Variants in CACNA1B observed in about 807,000 individuals in gnomAD.
The protein encoded by CACNA1B is calcium voltage-gated channel subunit alpha1 B.
A neutral mutation model predicts 247.2 loss-of-function variants in CACNA1B; 70 were observed. That is an observed-to-expected ratio of 0.28 (90% CI 0.23 to 0.35). The LOEUF (loss-of-function observed/expected upper bound fraction) is 0.35, where lower values mean the gene tolerates loss of function less well. CACNA1B is among the 10% of genes least tolerant of loss of function. The probability of loss-of-function intolerance (pLI) is 1.00; values close to 1 mark genes in which losing one functional copy is unlikely to be tolerated. For synonymous variants in CACNA1B, 1,231 were observed against 1,294.4 expected, an observed-to-expected ratio of 0.95 and a Z score of 1.05; for missense variants, 2,367 against 3,197.4, an observed-to-expected ratio of 0.74 and a Z score of 6.26.
At position 137,936,148 on chromosome 9, in the gene CACNA1B, C is replaced by T. The variant is rs147169809; in HGVS notation, c.967-16126C>T. 3.2e-4 allele frequency among the ~76,000 whole-genome samples: 48 copies of T among 152,280 alleles called. No individual in the cohort carries two copies. The East Asian group carries it at 8.5e-3, about 27-fold the overall frequency. On this transcript the variant is annotated intron_variant, in intron 6 of 46. Transcript: ENST00000371372. ...CTGGGATTACAGGCGTGAGCCACTG[C>T]GCCCGGCTGTTTCCTGACTTTTTAA...
chr9:137,952,147 C>T lies in CACNA1B; in HGVS notation c.967-127C>T. On this transcript the variant is annotated intron_variant, in intron 6 of 46. Coordinates refer to ENST00000371372, the MANE Select transcript of CACNA1B (RefSeq NM_000718.4). This position sits in a 1 kb window ranked among gnomAD's most constrained non-coding sequence, Gnocchi z 4.8. ...GCTTGGACCTCCCTGTGACTGGCCT[C>T]CCCACTGCCTGGACCCTACCAGGTG... 1.4e-6 allele frequency: 1 copy of T among 702,316 alleles called. No homozygotes were observed. Among genetic ancestry groups the T allele is most frequent in the South Asian group, 1.7e-5 (1 of 60,568 alleles). The allele number at this position is 702,316 out of a possible 1,614,324, so 43.5% of individuals were successfully genotyped here.
intron 26 of CACNA1B, among the ~76,000 whole-genome samples, chr9:138,056,132 T>C (rs912415614): frequency 6.6e-6 from 1 of 152,228 alleles, no homozygotes; most frequent in African/African-American, 2.4e-5. Flanking sequence ...ATTAAGTGGC[T>C]TTTAGTCTAT....
chr9:137,916,909 G>A (rs1957419393), intron 5 of CACNA1B, among the ~76,000 whole-genome samples: 1 of 152,148 alleles, frequency 6.6e-6, no homozygotes, highest in Non-Finnish European at 1.5e-5. Context: ...AATGGTCAGG[G>A]TGGTGGGAAG....
chr9:138,041,119 CA>C (rs1338460009), intron 20 of CACNA1B, among the ~76,000 whole-genome samples: 5 of 152,158 alleles, frequency 3.3e-5, no homozygotes, highest in Admixed American at 3.3e-4. Context: ...AGGTTTTTGT[CA>C]GAGAGGATTT....
intron 3 of CACNA1B, among the ~76,000 whole-genome samples, chr9:137,901,827 C>G (rs1957243870): frequency 6.6e-6 from 1 of 151,738 alleles, no homozygotes; most frequent in East Asian, 1.9e-4. Context: ...GTAGCTGGGA[C>G]TACAGGCACC....
intron 15 of CACNA1B, among the ~76,000 whole-genome samples, chr9:137,992,802 A>ACAAAAC: frequency 6.6e-6 from 1 of 152,050 alleles, no homozygotes; most frequent in South Asian, 2.1e-4. Context: ...GTCTCAAAAA[A>ACAAAAC]AAAAAAAAAA....
rs1957420466 is a variant in CACNA1B at position 137,917,016 on chromosome 9, G to A, written c.776-225G>A. Among the ~76,000 whole-genome samples the A allele has an allele frequency of 6.6e-6, 1 of 152,056 alleles. No individual in the cohort carries two copies. Among genetic ancestry groups the A allele is most frequent in the Admixed American group, 6.6e-5 (1 of 15,262 alleles). ...TGGGCAGGTTCCAGTAGGAGGGAGA[G>A]GCCAGCCGTTACTCCCTGAGTTGGT... is the stretch of plus-strand genomic sequence containing the variant. On this transcript the variant is annotated intron_variant, in intron 5 of 46. Coordinates refer to ENST00000371372, the MANE Select transcript of CACNA1B (RefSeq NM_000718.4). The surrounding 1 kb of genome is among the most constrained non-coding windows in gnomAD (Gnocchi z 5.5).
chr9:138,009,182 G>A (rs1032784348), intron 16 of CACNA1B, among the ~76,000 whole-genome samples: 3 of 152,228 alleles, frequency 2.0e-5, no homozygotes, highest in Non-Finnish European at 4.4e-5. Context: ...CACCCCAGGC[G>A]GTGCCTGTGC....
chr9:138,004,220 T>G (rs982629974), intron 15 of CACNA1B, among the ~76,000 whole-genome samples: 1 of 152,082 alleles, frequency 6.6e-6, no homozygotes, highest in East Asian at 1.9e-4. Context: ...GAAAACTGTG[T>G]GATGGTTTAC....
chr9:138,118,028 C>T lies in CACNA1B; in HGVS notation c.5860C>T (p.Pro1954Ser). The change falls in exon 43 of 47, where the codon CCC (proline) becomes TCC (serine). Residue 1954 changes from proline to serine, a missense_variant. Around this residue, in one of 12 missense-constraint regions of CACNA1B, gnomAD observed 773 missense variants for 779.4 expected, o/e 0.99. Transcript: ENST00000371372. ...GGATGCACCCCATGAGGCCAGGCCA[C>T]CCCTGGAGCGTGGCCACTCCACAGA... ...TQDAPHEARP[P>S]LERGHSTEIP... The T allele has an allele frequency of 3.1e-6, 5 of 1,600,034 alleles. No homozygotes were observed. In the East Asian group the frequency reaches 9.0e-5, roughly 29 times the overall value.
In CACNA1B at chr9:137,882,823, A is replaced by G. The variant is rs1260240334; in HGVS notation, c.470A>G (p.His157Arg). The change falls in exon 3 of 47, where the codon CAC becomes CGC. Residue 157 changes from histidine (H) to arginine (R), a missense_variant. Coordinates refer to ENST00000371372, the MANE Select transcript of CACNA1B (RefSeq NM_000718.4). The surrounding 1 kb of genome is among the most constrained non-coding windows in gnomAD (Gnocchi z 4.0). ...ATCATCGCTCTGGGCTTTGTCTTCC[A>G]CAAGGGCTCTTACCTGCGGAACGGC... is the stretch of plus-strand genomic sequence containing the variant. ...IKIIALGFVF[H>R]KGSYLRNGWN... 6.2e-7 allele frequency: 1 copy of G among 1,613,830 alleles called. No homozygotes were observed. The highest frequency in any genetic ancestry group is 8.5e-7 in the Non-Finnish European group (1 of 1,179,844).
chr9:138,063,448 C>A (rs546728398), intron 31 of CACNA1B, among the ~76,000 whole-genome samples: 2 of 152,196 alleles, frequency 1.3e-5, no homozygotes, highest in Admixed American at 6.5e-5. Flanking sequence ...GAGCTATGAT[C>A]GCACCACTGC....
At chr9:137,879,245 C>T (rs1956883874) in intron 2 of CACNA1B, 86 bp downstream of exon 2, 7 of 872,128 alleles carry the variant, frequency 8.0e-6, no homozygotes, top group East Asian at 2.6e-5. Context: ...AGAACAGCTT[C>T]CTCGGGCAGG....
chr9:137,889,179 CGTT>C, intron 3 of CACNA1B, among the ~76,000 whole-genome samples: 1 of 150,498 alleles, frequency 6.6e-6, no homozygotes, highest in South Asian at 2.1e-4. Flanking sequence ...GGCCAGGACA[CGTT>C]GGAGCATGGA....
At chr9:138,115,799 A>G (rs1243185968) in intron 42 of CACNA1B, 120 bp downstream of exon 42, 4 of 1,080,534 alleles carry the variant, frequency 3.7e-6, no homozygotes, top group African/African-American at 3.2e-5. Flanking sequence ...CTCTGGGTTC[A>G]CCAGCTTGGA....
rs200033716 is a variant in CACNA1B at position 138,121,667 on chromosome 9, C to T, written c.6688C>T (p.Arg2230Cys). 1.1e-5 allele frequency: 18 copies of T among 1,613,098 alleles called. No homozygotes were observed. The highest frequency in any genetic ancestry group is 3.3e-5 in the South Asian group (3 of 91,046). ...TGCCTTCTCCCCAGGCCGGCTCAGCCGTGGGCTTTCCGAACACAACGCCCT... is the reference window on the plus strand; with the variant it reads ...TGCCTTCTCCCCAGGCCGGCTCAGCTGTGGGCTTTCCGAACACAACGCCCT... ...LPAFSPGRLS[R>C]GLSEHNALLQ... The change falls in exon 47 of 47, where the codon CGT becomes TGT. Residue 2230 changes from arginine (R) to cysteine (C), a missense_variant. By Grantham distance (180) the Arg-to-Cys change is radical. This residue lies in a region of CACNA1B where 773 missense variants were observed against 779.4 expected (regional missense o/e 0.99). Coordinates refer to ENST00000371372, the MANE Select transcript of CACNA1B (RefSeq NM_000718.4). The surrounding 1 kb of genome is among the most constrained non-coding windows in gnomAD (Gnocchi z 6.8).
intron 37 of CACNA1B, among the ~76,000 whole-genome samples, chr9:138,098,126 G>A (rs1284536080): frequency 6.6e-6 from 1 of 152,020 alleles, no homozygotes; most frequent in Non-Finnish European, 1.5e-5. Context: ...AACAGACGTA[G>A]AGATTGTCTG....
chr9:138,115,241 C>T (rs1961812184), intron 41 of CACNA1B, among the ~76,000 whole-genome samples: 1 of 152,196 alleles, frequency 6.6e-6, no homozygotes, highest in South Asian at 2.1e-4. Flanking sequence ...TAATCTGGTC[C>T]AATCCCCTAG....
chr9:137,971,457 A>G lies in CACNA1B; in HGVS notation c.1408A>G (p.Met470Val). Residue 470 changes from methionine to valine, a missense_variant, in exon 11 of 47, where the codon ATG becomes GTG. Met to Val is a conservative substitution (Grantham distance 21). Transcript: ENST00000371372. This position sits in a 1 kb window ranked among gnomAD's most constrained non-coding sequence, Gnocchi z 4.4. ...SSSYFRRKEKMFRFFIRRMVK... is the reference protein window; with the variant it reads ...SSSYFRRKEKVFRFFIRRMVK... ...GTCATACTTCCGGAGGAAGGAGAAG[A>G]TGTTCCGGTTTTTTATCCGGCGCAT... 1 of 1,613,620 alleles carries G rather than the reference A, an allele frequency of 6.2e-7. No individual in the cohort carries two copies. Among genetic ancestry groups the G allele is most frequent in the Non-Finnish European group, 8.5e-7 (1 of 1,179,742 alleles).
Sources: gnomAD v4.1 joint callset for allele counts (sites outside exome capture counted in the v4.1 genomes callset) on GRCh38, gnomAD v4.1.1 for gene constraint, gnomAD v4.1.1 regional missense constraint, Gnocchi (gnomAD v3.1) non-coding constraint, MANE v1.5 for transcripts, NCBI Gene and HGNC (gene_info 2026-07-23, HGNC 2026-07-21) for gene names.